DAB1: variants seen among roughly 807,000 people sequenced by gnomAD.
The protein encoded by DAB1 is disabled homolog 1.
Under a neutral mutation model 64.6 loss-of-function variants are expected in DAB1, and 15 were observed. That is an observed-to-expected ratio of 0.23 (90% CI 0.16 to 0.36). The LOEUF is 0.36. Among genes scored for constraint, DAB1 ranks in the 10% least tolerant of loss-of-function variants. DAB1 has a pLI of 1.00. For synonymous variants in DAB1, 235 were observed against 251.9 expected, an observed-to-expected ratio of 0.93 and a Z score of 0.64; for missense variants, 596 against 706.7, an observed-to-expected ratio of 0.84 and a Z score of 1.78.
intron 1 of DAB1, among the ~76,000 whole-genome samples, chr1:57,363,254 G>A (rs1679699216): frequency 6.6e-6 from 1 of 152,106 alleles, no homozygotes; most frequent in African/African-American, 2.4e-5. Flanking sequence ...CCTTTCATAG[G>A]ACAGAAACCA....
chr1:57,577,499 T>C (rs1348286099), intron 7 of DAB1, among the ~76,000 whole-genome samples: 1 of 152,042 alleles, frequency 6.6e-6, no homozygotes, highest in Non-Finnish European at 1.5e-5. Context: ...TACCGAACAC[T>C]AAAAATTCAT....
At chr1:57,682,180 A>G (rs1263861968) in intron 6 of DAB1, among the ~76,000 whole-genome samples, 3 of 152,030 alleles carry the variant, frequency 2.0e-5, no homozygotes, top group Admixed American at 6.6e-5. Flanking sequence ...TAAAACATCC[A>G]ATTAGTTTCC....
chr1:57,561,508 C>T (rs1645051295), intron 7 of DAB1, among the ~76,000 whole-genome samples: 1 of 152,206 alleles, frequency 6.6e-6, no homozygotes, highest in Non-Finnish European at 1.5e-5. Context: ...AAGAGGTATA[C>T]AGATAGACTT....
chr1:57,558,691 TG>T (rs1645017448), intron 7 of DAB1, among the ~76,000 whole-genome samples: 1 of 152,166 alleles, frequency 6.6e-6, no homozygotes, highest in African/African-American at 2.4e-5. Flanking sequence ...TGTTGCAGCT[TG>T]GGGAGTTAAA....
At chr1:58,499,363 T>C (rs957207474) in intron 3 of DAB1, among the ~76,000 whole-genome samples, 2 of 147,552 alleles carry the variant, frequency 1.4e-5, no homozygotes, top group Non-Finnish European at 3.0e-5. Flanking sequence ...TACATTCCTA[T>C]AGTCCTAGCT....
intron 7 of DAB1, among the ~76,000 whole-genome samples, chr1:57,595,280 C>T (rs2101576594): frequency 6.7e-6 from 1 of 150,146 alleles, no homozygotes; most frequent in African/African-American, 2.4e-5. Flanking sequence ...TTTTTAGATT[C>T]TAAATTTTTT....
chr1:57,399,780 C>T (rs1309731374), intron 1 of DAB1, among the ~76,000 whole-genome samples: 1 of 152,148 alleles, frequency 6.6e-6, no homozygotes, highest in East Asian at 1.9e-4. Context: ...GGAAGCTGAT[C>T]ATTCATATTC....
intron 7 of DAB1, among the ~76,000 whole-genome samples, chr1:57,560,347 C>T (rs971437766): frequency 2.0e-5 from 3 of 152,208 alleles, no homozygotes; most frequent in Non-Finnish European, 4.4e-5. Flanking sequence ...GTAGCAAGCA[C>T]ACTGGACTTA....
chr1:58,369,096 T>C (rs1030947466), intron 3 of DAB1, among the ~76,000 whole-genome samples: 1 of 152,184 alleles, frequency 6.6e-6, no homozygotes, highest in African/African-American at 2.4e-5. Flanking sequence ...GTAAAATAAC[T>C]CTGAGGTACA....
intron 3 of DAB1, among the ~76,000 whole-genome samples, chr1:58,392,065 G>C (rs1181608945): frequency 4.6e-5 from 7 of 152,308 alleles, no homozygotes; most frequent in Admixed American, 4.6e-4. Flanking sequence ...AAAGAAAGCT[G>C]ATGGAAAAGT....
intron 2 of DAB1, among the ~76,000 whole-genome samples, chr1:57,178,349 T>C (rs989514263): frequency 2.2e-4 from 33 of 151,124 alleles, no homozygotes; most frequent in Admixed American, 2.0e-3. Context: ...CCAGATGTTA[T>C]AGAATGGAGT....
chr1:57,635,300 G>C (rs1646038699), intron 7 of DAB1, among the ~76,000 whole-genome samples: 1 of 152,156 alleles, frequency 6.6e-6, no homozygotes, highest in Admixed American at 6.5e-5. Flanking sequence ...ACTGGTACCA[G>C]TTCATGGTGT....
chr1:57,561,156 G>A lies in DAB1; in HGVS notation n.625+88436C>T, dbSNP rs779730476. Among the ~76,000 whole-genome samples, 8 of 152,256 alleles carry A rather than the reference G, an allele frequency of 5.3e-5. No homozygotes were observed. In the South Asian group the frequency reaches 1.0e-3, roughly 20 times the overall value. On this transcript the variant is annotated intron_variant and non_coding_transcript_variant, in intron 7 of 20. Coordinates refer to the DAB1 transcript ENST00000485760. ...TGCCTCCTCTCCCCCAGCCTGCACC[G>A]ATGAACTCATGGGGAGTTCCCTATA...
chr1:57,307,231 G>A (rs1020980873), intron 1 of DAB1: 8 of 152,192 alleles, frequency 5.3e-5, no homozygotes, highest in African/African-American at 1.4e-4. Context: ...TACCATGGTT[G>A]GAGATGATAT....
At chr1:57,255,304 T>C (rs935812113) in intron 2 of DAB1, among the ~76,000 whole-genome samples, 6 of 152,174 alleles carry the variant, frequency 3.9e-5, no homozygotes, top group Non-Finnish European at 8.8e-5. Context: ...TTATCTTCTA[T>C]GAATCCCAAA....
At chr1:58,052,420 C>G (rs1647737172) in intron 5 of DAB1, among the ~76,000 whole-genome samples, 1 of 152,148 alleles carries the variant, frequency 6.6e-6, no homozygotes, top group Non-Finnish European at 1.5e-5. Context: ...GTTTTGGTAC[C>G]AGTACCATGC....
At chr1:57,992,705 CA>C (rs1437760755) in intron 5 of DAB1, among the ~76,000 whole-genome samples, 1 of 152,012 alleles carries the variant, frequency 6.6e-6, no homozygotes, top group Non-Finnish European at 1.5e-5. Flanking sequence ...GGCAGTTGTG[CA>C]TTTTACATGG....
At chr1:57,902,936 G>C (rs1322396976) in intron 5 of DAB1, among the ~76,000 whole-genome samples, 1 of 152,180 alleles carries the variant, frequency 6.6e-6, no homozygotes, top group East Asian at 1.9e-4. Flanking sequence ...AAAGGAAAGA[G>C]GTTTAATGGA....
At chr1:58,227,955 A>G (rs1368600132) in intron 4 of DAB1, among the ~76,000 whole-genome samples, 1 of 152,198 alleles carries the variant, frequency 6.6e-6, no homozygotes, top group East Asian at 1.9e-4. Context: ...AAATTTGGAG[A>G]TCACATACCT....
Sources: allele counts gnomAD v4.1 joint callset (sites outside exome capture counted in the v4.1 genomes callset), GRCh38; gene constraint gnomAD v4.1.1; transcripts MANE v1.5; gene names NCBI Gene and HGNC (gene_info 2026-07-23, HGNC 2026-07-21).